Variants in ACACA observed in about 807,000 individuals in gnomAD.
ACACA encodes acetyl-CoA carboxylase alpha, also known as acetyl-CoA carboxylase 1.
In ACACA, 103 loss-of-function variants were observed where a neutral mutation model predicts 296.1. That is an observed-to-expected ratio of 0.35 (90% confidence interval 0.30 to 0.41). The LOEUF (loss-of-function observed/expected upper bound fraction) is 0.41. Among genes scored for constraint, ACACA ranks in the 10% least tolerant of loss-of-function variants. The pLI is 1.00. For synonymous variants in ACACA, 953 were observed against 1,038.6 expected (o/e 0.92, Z 1.58); for missense variants, 1,554 against 2,989.7 (o/e 0.52, Z 11.20).
chr17:37,372,646 C>G lies in ACACA; in HGVS notation c.39-32796G>C, dbSNP rs1249517402. 3.3e-5 allele frequency among the ~76,000 whole-genome samples: 5 copies of G among 152,198 alleles called. No homozygotes were observed. The East Asian group carries it at 9.7e-4, about 29-fold the overall frequency. On this transcript the variant is annotated intron_variant, in intron 1 of 55. Transcript: ENST00000616317. The stretch of plus-strand genomic sequence containing the variant: ...ACCCATCCTGATTCATCCATTTGGT[C>G]CTAGTTCCTACTCTCTTCCAACGCC...
At chr17:37,194,626 T>C (rs2145150781) in intron 35 of ACACA, among the ~76,000 whole-genome samples, 2 of 152,310 alleles carry the variant, frequency 1.3e-5, no homozygotes, top group Non-Finnish European at 2.9e-5. Context: ...ATTAAGACTT[T>C]AAATTTAAAA....
chr17:37,389,272 G>A (rs775796113), intron 1 of ACACA: 1 of 1,594,814 alleles, frequency 6.3e-7, no homozygotes, highest in Non-Finnish European at 8.5e-7. Flanking sequence ...CCAGGAAGCT[G>A]TGCCAATGCC....
rs1465319087 is a variant in ACACA at position 37,210,225 on chromosome 17, G to C, written c.3707+242C>G. ...GCAGATAAACCCCCTATCATACACAGCTAGATGGGAGCTTCTCCATACTGA... is the reference window on the plus strand; with the variant it reads ...GCAGATAAACCCCCTATCATACACACCTAGATGGGAGCTTCTCCATACTGA... On this transcript the variant is annotated intron_variant, in intron 30 of 55. Transcript: ENST00000616317. Among the ~76,000 whole-genome samples, 3 of 152,290 alleles carry C rather than the reference G, an allele frequency of 2.0e-5. No individual in the cohort carries two copies. In the East Asian group the frequency reaches 5.8e-4, roughly 29 times the overall value.
chr17:37,096,643 CTTTA>C (rs1162137039), intron 54 of ACACA, among the ~76,000 whole-genome samples: 2 of 152,174 alleles, frequency 1.3e-5, no homozygotes, highest in East Asian at 3.9e-4. Context: ...TGCATAACCT[CTTTA>C]TTTGTCTCCC....
At chr17:37,330,946 T>C (rs1443867602) in intron 2 of ACACA, among the ~76,000 whole-genome samples, 1 of 152,132 alleles carries the variant, frequency 6.6e-6, no homozygotes, top group Non-Finnish European at 1.5e-5. Flanking sequence ...GGTCTCACTC[T>C]GTCACCCATA....
intron 25 of ACACA, among the ~76,000 whole-genome samples, chr17:37,229,412 T>C (rs1336589022): frequency 6.6e-6 from 1 of 151,692 alleles, no homozygotes; most frequent in African/African-American, 2.4e-5. Context: ...CACGCCATTC[T>C]CCTGCCTCAG....
chr17:37,234,900 A>G (rs1238000682), intron 25 of ACACA, 75 bp downstream of exon 25: 1 of 1,543,182 alleles, frequency 6.5e-7, no homozygotes, highest in African/African-American at 1.4e-5. Context: ...TTCTCTGGCC[A>G]TAGCCATCAA....
chr17:37,384,801 C>A (rs2147768125), intron 1 of ACACA, among the ~76,000 whole-genome samples: 1 of 152,326 alleles, frequency 6.6e-6, no homozygotes, highest in East Asian at 1.9e-4. Context: ...CCTATGATTT[C>A]ATGTACAGTG....
chr17:37,200,579 AACATCCTTTTTGGATATCCT>A, intron 33 of ACACA, 96 bp from the exon 34 acceptor site: 1 of 1,153,732 alleles, frequency 8.7e-7, no homozygotes, highest in Non-Finnish European at 1.3e-6. Flanking sequence ...GGTGGAGTTA[AACATCCTTTTTGGATATCCT>A]TATCTTAGCT....
At chr17:37,125,646 T>C in intron 48 of ACACA, 52 bp downstream of exon 48, 2 of 1,437,992 alleles carry the variant, frequency 1.4e-6, no homozygotes, top group Non-Finnish European at 2.0e-6. Context: ...GCTCTTTCTT[T>C]CTTATTTTTA....
chr17:37,347,305 G>T (rs1256369665), intron 1 of ACACA, among the ~76,000 whole-genome samples: 1 of 152,182 alleles, frequency 6.6e-6, no homozygotes, highest in Non-Finnish European at 1.5e-5. Context: ...ATATAGCACA[G>T]TAAGTGCATT....
intron 1 of ACACA, among the ~76,000 whole-genome samples, chr17:37,375,162 C>T (rs1480331958): frequency 6.6e-6 from 1 of 151,450 alleles, no homozygotes; most frequent in African/African-American, 2.4e-5. Context: ...CCACTGCACT[C>T]CAGCCTGGGC....
chr17:37,093,027 C>G (rs1172832113), intron 54 of ACACA, among the ~76,000 whole-genome samples: 1 of 152,200 alleles, frequency 6.6e-6, no homozygotes, highest in African/African-American at 2.4e-5. Context: ...AATCCCATCT[C>G]AGCTCCAGGC....
chr17:37,129,166 A>G (rs2074968807), intron 47 of ACACA, among the ~76,000 whole-genome samples, 199 bp downstream of exon 47: 1 of 152,060 alleles, frequency 6.6e-6, no homozygotes, highest in Middle Eastern at 3.2e-3. Context: ...GGGAAATGTC[A>G]TTTTATTTAT....
intron 41 of ACACA, among the ~76,000 whole-genome samples, chr17:37,178,068 A>G (rs1386022074): frequency 6.6e-6 from 1 of 152,234 alleles, no homozygotes; most frequent in Admixed American, 6.5e-5. Context: ...TACTCCTTCA[A>G]TGGAATGAAA....
chr17:37,268,756 T>TATATATATATATATATATATAG (rs2081931797), intron 10 of ACACA, among the ~76,000 whole-genome samples: 1 of 146,326 alleles, frequency 6.8e-6, no homozygotes, highest in African/African-American at 2.5e-5. Flanking sequence ...TATATATATA[T>TATATATATATATATATATATAG]ATATATATAT....
intron 45 of ACACA, 105 bp downstream of exon 45, chr17:37,149,759 A>T: frequency 1.0e-6 from 1 of 972,138 alleles, no homozygotes. Flanking sequence ...AGACTGAGGA[A>T]GGCACGGATT....
chr17:37,224,712 AC>A (rs2079459269), intron 27 of ACACA, among the ~76,000 whole-genome samples: 1 of 152,002 alleles, frequency 6.6e-6, no homozygotes, highest in Non-Finnish European at 1.5e-5. Context: ...GGCCTAGAAT[AC>A]TTTCTAGGTA....
chr17:37,151,013 C>G (rs1171906517), intron 44 of ACACA, among the ~76,000 whole-genome samples: 1 of 151,430 alleles, frequency 6.6e-6, no homozygotes, highest in African/African-American at 2.4e-5. Context: ...GATCGTGCCA[C>G]TGCACTCCAG....
Sources: allele counts gnomAD v4.1 joint callset (sites outside exome capture counted in the v4.1 genomes callset), GRCh38; gene constraint gnomAD v4.1.1; transcripts MANE v1.5; gene names NCBI Gene and HGNC (gene_info 2026-07-23, HGNC 2026-07-21).